Variants in TMEM229B observed in about 807,000 individuals in gnomAD.
TMEM229B encodes transmembrane protein 229B, also known as chromosome 14 open reading frame 83.
A neutral mutation model predicts 13.7 loss-of-function variants in TMEM229B; 6 were observed. The ratio of observed to expected loss-of-function variants is 0.44; its 90% confidence interval spans 0.24 to 0.86. The LOEUF is 0.86. TMEM229B is among the 40% of genes least tolerant of loss of function. The pLI, the probability that TMEM229B is intolerant of heterozygous loss-of-function variation, is 0.23. For synonymous variants in TMEM229B, 107 were observed against 102.1 expected, an observed-to-expected ratio of 1.05 and a Z score of -0.29; for missense variants, 170 against 236.0, an observed-to-expected ratio of 0.72 and a Z score of 1.83.
chr14:67,504,968 A>G (rs1208208625), intron 1 of TMEM229B, among the ~76,000 whole-genome samples: 2 of 152,206 alleles, frequency 1.3e-5, no homozygotes, highest in Non-Finnish European at 2.9e-5. Flanking sequence ...TGTTGCTTTT[A>G]TGATTTCCCA....
chr14:67,521,483 A>G lies in TMEM229B; in HGVS notation c.-192+12153T>C, dbSNP rs1302478013. Reference sequence around the variant, plus strand: ...ATGTCCATGTGGGAAAGGGGTAGGTAGGTACTTTCATAGAAGTCTTAAAAT... The same window carrying G: ...ATGTCCATGTGGGAAAGGGGTAGGTGGGTACTTTCATAGAAGTCTTAAAAT... On this transcript the variant is annotated intron_variant, in intron 1 of 2. Transcript: ENST00000554278. Among the ~76,000 whole-genome samples the G allele has an allele frequency of 2.6e-5, 4 of 152,186 alleles. No homozygotes were observed. The East Asian group carries it at 7.7e-4, about 29-fold the overall frequency.
intron 1 of TMEM229B, among the ~76,000 whole-genome samples, chr14:67,528,392 T>C (rs1402420751): frequency 6.6e-6 from 1 of 152,136 alleles, no homozygotes; most frequent in African/African-American, 2.4e-5. Context: ...CCCTAGTCTC[T>C]CCCCACACAG....
upstream of TMEM229B, among the ~76,000 whole-genome samples, chr14:67,489,272 C>A (rs188489828): frequency 6.7e-3 from 1,018 of 152,300 alleles, 7 homozygotes; most frequent in Non-Finnish European, 7.9e-3. Context: ...ATTCAAATCC[C>A]AGTCCTCAGC....
chr14:67,505,230 A>G (rs2032775817), intron 1 of TMEM229B, among the ~76,000 whole-genome samples: 1 of 152,012 alleles, frequency 6.6e-6, no homozygotes, highest in Non-Finnish European at 1.5e-5. Context: ...CTGGGGAAAA[A>G]TCTTTGTGGA....
intron 1 of TMEM229B, among the ~76,000 whole-genome samples, chr14:67,503,297 G>A (rs1302089856): frequency 6.6e-6 from 1 of 152,212 alleles, no homozygotes; most frequent in Non-Finnish European, 1.5e-5. Flanking sequence ...AGCAAGGCAG[G>A]TGAGTGCCCT....
At chr14:67,493,369 A>G (rs556821380), upstream of TMEM229B, among the ~76,000 whole-genome samples, 14 of 152,252 alleles carry the variant, frequency 9.2e-5, no homozygotes, top group Non-Finnish European at 1.6e-4. Context: ...ACAGTAGCCA[A>G]TCGGAATTAG....
chr14:67,473,600 G>T lies in TMEM229B; in HGVS notation c.324C>A (p.Phe108Leu). 6.2e-7 allele frequency: 1 copy of T among 1,604,078 alleles called. No individual in the cohort carries two copies. The highest frequency in any genetic ancestry group is 8.5e-7 in the Non-Finnish European group (1 of 1,175,356). Residue 108 changes from phenylalanine (F) to leucine (L), a missense_variant, in exon 3 of 3, where the codon TTC becomes TTA. Around this residue, in one of 4 missense-constraint regions of TMEM229B, gnomAD observed 57 missense variants for 66.7 expected, o/e 0.85. Coordinates refer to ENST00000554480, the MANE Select transcript of TMEM229B (RefSeq NM_001348543.2). This position sits in a 1 kb window ranked among gnomAD's most constrained non-coding sequence, Gnocchi z 6.5. ...TGATGAGGCCCATGAAGTCAAAGTC[G>T]AACTGGGAGTAGTCCCAGGGGCAGG... Reference protein sequence around the residue: ...FNACPWDYSQFDFDFMGLITL... With the variant: ...FNACPWDYSQLDFDFMGLITL...
At chr14:67,497,182 T>C (rs978986468) in intron 1 of TMEM229B, among the ~76,000 whole-genome samples, 8 of 152,160 alleles carry the variant, frequency 5.3e-5, no homozygotes, top group East Asian at 1.9e-4. Flanking sequence ...GGGTGGTGTA[T>C]ATGCTGCGGG....
chr14:67,490,763 CCT>C (rs1399649067), upstream of TMEM229B, among the ~76,000 whole-genome samples: 1 of 152,092 alleles, frequency 6.6e-6, no homozygotes, highest in Non-Finnish European at 1.5e-5. Flanking sequence ...GCAAATACTA[CCT>C]CTGTTTTTTT....
At chr14:67,517,670 A>G (rs2033228223), upstream of TMEM229B, among the ~76,000 whole-genome samples, 1 of 152,132 alleles carries the variant, frequency 6.6e-6, no homozygotes, top group East Asian at 1.9e-4. Flanking sequence ...GGTTTTCCTC[A>G]TTCCTTACAT....
chr14:67,494,375 T>G (rs2032284664), intron 1 of TMEM229B, among the ~76,000 whole-genome samples: 1 of 152,232 alleles, frequency 6.6e-6, no homozygotes, highest in Non-Finnish European at 1.5e-5. Flanking sequence ...AAAGAGGTTA[T>G]GCAGCTTTCT....
chr14:67,480,839 A>C (rs1440320925), intron 2 of TMEM229B, among the ~76,000 whole-genome samples: 2 of 152,204 alleles, frequency 1.3e-5, no homozygotes, highest in African/African-American at 4.8e-5. Flanking sequence ...GGGATGGCCC[A>C]GACCGGTTTC....
At chr14:67,504,723 A>G (rs1056069320) in intron 1 of TMEM229B, among the ~76,000 whole-genome samples, 18 of 152,116 alleles carry the variant, frequency 1.2e-4, no homozygotes, top group African/African-American at 3.6e-4. Flanking sequence ...TGTCTCTACT[A>G]AAAATACAAA....
chr14:67,479,069 C>G (rs2031411484), intron 2 of TMEM229B, among the ~76,000 whole-genome samples: 1 of 151,764 alleles, frequency 6.6e-6, no homozygotes, highest in Non-Finnish European at 1.5e-5. Context: ...CTTTTTTTTC[C>G]TAACAAGCAT....
At chr14:67,487,394 T>A (rs143565641) in intron 1 of TMEM229B, among the ~76,000 whole-genome samples, 18 of 152,306 alleles carry the variant, frequency 1.2e-4, no homozygotes, top group African/African-American at 3.8e-4. Flanking sequence ...AATCCACATG[T>A]CCAGGGTTAG....
chr14:67,499,931 A>AG (rs36001109), intron 1 of TMEM229B, among the ~76,000 whole-genome samples: 1 of 152,148 alleles, frequency 6.6e-6, no homozygotes, highest in Non-Finnish European at 1.5e-5. Context: ...CGGATTAAGG[A>AG]GGGGAGTGGT....
At chr14:67,498,012 C>T (rs1353592129) in intron 1 of TMEM229B, among the ~76,000 whole-genome samples, 1 of 152,144 alleles carries the variant, frequency 6.6e-6, no homozygotes, top group Non-Finnish European at 1.5e-5. Context: ...TACCCGTCAA[C>T]ACTCCCAAAG....
At chr14:67,506,711 A>C (rs4902476) in intron 1 of TMEM229B, among the ~76,000 whole-genome samples, 130,971 of 152,154 alleles carry the variant, frequency 0.86, 57,823 homozygotes, top group Non-Finnish European at 0.95. Flanking sequence ...TTGGGCCAGG[A>C]GTGGTGGCTC....
chr14:67,492,260 G>A (rs1236553290), upstream of TMEM229B, among the ~76,000 whole-genome samples: 1 of 152,188 alleles, frequency 6.6e-6, no homozygotes, highest in Non-Finnish European at 1.5e-5. Flanking sequence ...TGAAAGGCTG[G>A]ACAGCTGCTG....
Sources: gnomAD v4.1 joint callset for allele counts (sites outside exome capture counted in the v4.1 genomes callset) on GRCh38, gnomAD v4.1.1 for gene constraint, gnomAD v4.1.1 regional missense constraint, Gnocchi (gnomAD v3.1) non-coding constraint, MANE v1.5 for transcripts, NCBI Gene and HGNC (gene_info 2026-07-23, HGNC 2026-07-21) for gene names.